Variants in GALNTL6 observed in about 807,000 individuals in gnomAD.
GALNTL6 encodes the protein polypeptide N-acetylgalactosaminyltransferase like 6, also known as polypeptide N-acetylgalactosaminyltransferase-like 6.
Under a neutral mutation model 73.7 loss-of-function variants are expected in GALNTL6, and 46 were observed. The observed-to-expected ratio is 0.62, with a 90% CI of 0.49 to 0.80. The LOEUF (loss-of-function observed/expected upper bound fraction) is 0.80, where lower values mean the gene tolerates loss of function less well. Among genes scored for constraint, GALNTL6 ranks in the 30% least tolerant of loss-of-function variants. The pLI, the probability that GALNTL6 is intolerant of heterozygous loss-of-function variation, is 0.00. For synonymous variants in GALNTL6, 259 were observed against 263.7 expected, an observed-to-expected ratio of 0.98 and a Z score of 0.17; for missense variants, 604 against 755.0, an observed-to-expected ratio of 0.80 and a Z score of 2.34.
intron 2 of GALNTL6, among the ~76,000 whole-genome samples, chr4:171,841,015 ATTT>A (rs1735226275): frequency 6.6e-6 from 1 of 152,182 alleles, no homozygotes; most frequent in South Asian, 2.1e-4. Flanking sequence ...AATGCTTGAA[ATTT>A]TGTGGATTCT....
chr4:172,778,124 G>A (rs1474626147), intron 5 of GALNTL6, among the ~76,000 whole-genome samples: 1 of 152,234 alleles, frequency 6.6e-6, no homozygotes, highest in Non-Finnish European at 1.5e-5. Flanking sequence ...AAGTGGCATT[G>A]GCCATTGACG....
intron 2 of GALNTL6, among the ~76,000 whole-genome samples, chr4:172,011,206 G>C (rs928216886): frequency 3.9e-5 from 6 of 152,080 alleles, no homozygotes. Flanking sequence ...ACAACATTCT[G>C]ATCCAAATTA....
chr4:171,945,266 T>C (rs188659333), intron 2 of GALNTL6, among the ~76,000 whole-genome samples: 1 of 152,212 alleles, frequency 6.6e-6, no homozygotes, highest in East Asian at 1.9e-4. Context: ...GACTGAGAAT[T>C]TGCATTAAAG....
Position 172,439,443 on chromosome 4 carries a change from C to T in GALNTL6, c.553+90754C>T, listed in dbSNP as rs563349503. Among the ~76,000 whole-genome samples the T allele has an allele frequency of 2.0e-5, 3 of 148,826 alleles. No individual in the cohort carries two copies. In the South Asian group the frequency reaches 6.5e-4, roughly 32 times the overall value. On this transcript the variant is annotated intron_variant, in intron 5 of 12. Coordinates refer to ENST00000506823, the MANE Select transcript of GALNTL6 (RefSeq NM_001034845.3). ...CATACACACAAACTCTACTTACATTCGTCATGACTCGCTGGTTGTTATGTC... is the reference window on the plus strand; with the variant it reads ...CATACACACAAACTCTACTTACATTTGTCATGACTCGCTGGTTGTTATGTC...
chr4:172,322,454 G>T (rs1740794008), intron 4 of GALNTL6, among the ~76,000 whole-genome samples: 1 of 152,088 alleles, frequency 6.6e-6, no homozygotes, highest in African/African-American at 2.4e-5. Flanking sequence ...ATGAATGTAT[G>T]AATTTATACT....
chr4:172,007,526 C>A (rs1740876769), intron 2 of GALNTL6, among the ~76,000 whole-genome samples: 1 of 151,960 alleles, frequency 6.6e-6, no homozygotes, highest in African/African-American at 2.4e-5. Flanking sequence ...ACAATCACTG[C>A]AAATGAATAT....
chr4:172,239,531 A>G (rs1737349275), intron 3 of GALNTL6, among the ~76,000 whole-genome samples: 1 of 152,128 alleles, frequency 6.6e-6, no homozygotes, highest in Non-Finnish European at 1.5e-5. Context: ...TCTTTCAAAT[A>G]ACCAACTTCT....
At chr4:172,973,127 A>G (rs1750656826) in intron 10 of GALNTL6, among the ~76,000 whole-genome samples, 1 of 152,222 alleles carries the variant, frequency 6.6e-6, no homozygotes, top group Non-Finnish European at 1.5e-5. Flanking sequence ...TCCTGATGCA[A>G]TAACTGATTA....
chr4:172,952,151 C>A lies in GALNTL6; in HGVS notation c.1264C>A (p.Arg422Ser). ...GGACATCTCTGCCCAGAAGGAGCTG[C>A]GCAAGCAGCTCAAGTGCAAGGACTT... ...TGDISAQKEL[R>S]KQLKCKDFKW... The change falls in exon 10 of 13, where the codon CGC (arginine) becomes AGC (serine). Residue 422 changes from arginine (R) to serine (S), a missense_variant. This residue lies in a region of GALNTL6 where 261 missense variants were observed against 296.5 expected (regional missense o/e 0.88). Coordinates refer to ENST00000506823, the MANE Select transcript of GALNTL6 (RefSeq NM_001034845.3). 6.2e-7 allele frequency: 1 copy of A among 1,614,030 alleles called. No individual in the cohort carries two copies. The highest frequency in any genetic ancestry group is 1.1e-5 in the South Asian group (1 of 91,076).
intron 2 of GALNTL6, among the ~76,000 whole-genome samples, chr4:171,890,538 T>C (rs901574525): frequency 1.3e-5 from 2 of 152,112 alleles, no homozygotes; most frequent in Non-Finnish European, 2.9e-5. Context: ...GAGGGATGAA[T>C]AAAATAATGG....
At chr4:172,833,116 G>C (rs1230667160) in intron 7 of GALNTL6, among the ~76,000 whole-genome samples, 1 of 152,074 alleles carries the variant, frequency 6.6e-6, no homozygotes, top group Non-Finnish European at 1.5e-5. Context: ...TTACACACTA[G>C]AACATGGGCG....
intron 2 of GALNTL6, among the ~76,000 whole-genome samples, chr4:171,838,922 A>T (rs1042494381): frequency 3.3e-5 from 5 of 152,196 alleles, no homozygotes; most frequent in Non-Finnish European, 5.9e-5. Flanking sequence ...TAAGCACTCT[A>T]GGGACTGCTC....
At chr4:172,206,947 A>T (rs1736151552) in intron 2 of GALNTL6, among the ~76,000 whole-genome samples, 1 of 151,058 alleles carries the variant, frequency 6.6e-6, no homozygotes, top group Non-Finnish European at 1.5e-5. Context: ...CCTCCCGAGT[A>T]GCTGGGACTA....
At chr4:172,194,825 C>CTTTG (rs1488065263) in intron 2 of GALNTL6, among the ~76,000 whole-genome samples, 13 of 152,126 alleles carry the variant, frequency 8.5e-5, no homozygotes, top group Non-Finnish European at 1.6e-4. Flanking sequence ...AAAACTGTTA[C>CTTTG]TAGCCACTAC....
At chr4:172,642,271 G>A (rs1233829526) in intron 5 of GALNTL6, among the ~76,000 whole-genome samples, 1 of 152,000 alleles carries the variant, frequency 6.6e-6, no homozygotes, top group Non-Finnish European at 1.5e-5. Context: ...AGAGATATCT[G>A]CACTTCCATA....
chr4:171,991,736 A>G (rs1458433884), intron 2 of GALNTL6, among the ~76,000 whole-genome samples: 17 of 118,978 alleles, frequency 1.4e-4, no homozygotes, highest in East Asian at 4.5e-4. Flanking sequence ...GTGTGTATAT[A>G]TATATATATA....
chr4:172,756,473 A>T (rs1579441605), intron 5 of GALNTL6, among the ~76,000 whole-genome samples: 1 of 152,016 alleles, frequency 6.6e-6, no homozygotes, highest in African/African-American at 2.4e-5. Flanking sequence ...GTGAAACCTC[A>T]TCTCTACCAA....
chr4:172,409,321 A>AT (rs1287974036), intron 5 of GALNTL6, among the ~76,000 whole-genome samples: 1 of 152,028 alleles, frequency 6.6e-6, no homozygotes, highest in Non-Finnish European at 1.5e-5. Flanking sequence ...TTGGTAATAG[A>AT]TTTTTTAGGG....
intron 7 of GALNTL6, among the ~76,000 whole-genome samples, chr4:172,866,230 C>G (rs1327234597): frequency 3.3e-5 from 5 of 152,154 alleles, no homozygotes; most frequent in Admixed American, 2.0e-4. Context: ...CCATTTCCAG[C>G]TTAAACCCTT....
Sources: allele counts gnomAD v4.1 joint callset (sites outside exome capture counted in the v4.1 genomes callset), GRCh38; gene constraint gnomAD v4.1.1; regional missense constraint gnomAD v4.1.1; transcripts MANE v1.5; gene names NCBI Gene and HGNC (gene_info 2026-07-23, HGNC 2026-07-21).